CAMKK1: variants seen among roughly 807,000 people sequenced by gnomAD.
The protein encoded by CAMKK1 is calcium/calmodulin dependent protein kinase kinase 1.
Under a neutral mutation model 63.5 loss-of-function variants are expected in CAMKK1, and 20 were observed. That is an observed-to-expected ratio of 0.32 (90% CI 0.22 to 0.46). The LOEUF (loss-of-function observed/expected upper bound fraction) is 0.46, where lower values mean the gene tolerates loss of function less well. CAMKK1 is among the 20% of genes least tolerant of loss of function. The probability of loss-of-function intolerance (pLI) is 1.00; values close to 1 mark genes in which losing one functional copy is unlikely to be tolerated. For synonymous variants in CAMKK1, 253 were observed against 269.0 expected (o/e 0.94, Z 0.58); for missense variants, 588 against 658.1 (o/e 0.89, Z 1.17).
rs2055151456 is a variant in CAMKK1 at position 3,876,348 on chromosome 17, T to C, written c.871A>G (p.Ile291Val). ...LLLGDDGHVK[I>V]ADFGVSNQFE... Reference sequence around the variant, plus strand: ...TGGTTGCTGACGCCAAAGTCGGCGATCTTCACGTGCCCATCATCCCCCAGG... The same window carrying C: ...TGGTTGCTGACGCCAAAGTCGGCGACCTTCACGTGCCCATCATCCCCCAGG... Residue 291 changes from isoleucine (I) to valine (V), a missense_variant, in exon 10 of 16, where the codon ATC becomes GTC. Physicochemically the swap from Ile to Val is conservative, Grantham distance 29 (BLOSUM62 3). Transcript: ENST00000348335. The C allele has an allele frequency of 6.2e-7, 1 of 1,614,206 alleles. No individual in the cohort carries two copies. Among genetic ancestry groups the C allele is most frequent in the Non-Finnish European group, 8.5e-7 (1 of 1,180,034 alleles).
chr17:3,885,653 G>A lies in CAMKK1; in HGVS notation c.35C>T (p.Pro12Leu), dbSNP rs778845990. Residue 12 changes from proline (P) to leucine (L), a missense_variant, in exon 2 of 16, where the codon CCT becomes CTT. Pro to Leu is a moderately conservative substitution (Grantham distance 98). Coordinates refer to ENST00000348335, the MANE Select transcript of CAMKK1 (RefSeq NM_032294.3). Reference sequence around the variant, plus strand: ...CACCCGTTCTACCAGCTCTGCCCGAGGATCCTGGCAGCAGACAGCTGGACC... The same window carrying A: ...CACCCGTTCTACCAGCTCTGCCCGAAGATCCTGGCAGCAGACAGCTGGACC... ...EGGPAVCCQD[P>L]RAELVERVAA... 10 of 1,613,672 alleles carry A rather than the reference G, an allele frequency of 6.2e-6. No homozygotes were observed. The Admixed American group carries it at 1.5e-4, about 24-fold the overall frequency.
rs1176407139 is a variant in CAMKK1 at position 3,862,248 on chromosome 17, T to A, written c.1481A>T (p.Glu494Val). 1.3e-6 allele frequency: 2 copies of A among 1,591,054 alleles called. No individual in the cohort carries two copies. Among genetic ancestry groups the A allele is most frequent in the Admixed American group, 1.7e-5 (1 of 57,328 alleles). Residue 494 changes from glutamate to valine, a missense_variant, in exon 16 of 16, where the codon GAG becomes GTG. Transcript: ENST00000348335. This position sits in a 1 kb window ranked among gnomAD's most constrained non-coding sequence, Gnocchi z 4.1. ...EGFGEGGKSP[E>V]LPGVQEDEAA... ...CTCGTCTTCCTGGACGCCGGGGAGC[T>A]CTGGGCTCTTGCCCCCTTCACCAAA...
rs962673074 is a variant in CAMKK1 at position 3,889,160 on chromosome 17, T to C, written c.-43-3430A>G. The stretch of plus-strand genomic sequence containing the variant: ...GTCCCACCAGCCTGGCACTGCCTGC[T>C]GGGCTGGATTCTGTGCCCCGGGCGG... On this transcript the variant is annotated intron_variant, in intron 1 of 15. Transcript: ENST00000348335. The surrounding 1 kb of genome is among the most constrained non-coding windows in gnomAD (Gnocchi z 5.2). Among the ~76,000 whole-genome samples the C allele has an allele frequency of 1.3e-5, 2 of 152,122 alleles. No homozygotes were observed. Among genetic ancestry groups the C allele is most frequent in the African/African-American group, 4.8e-5 (2 of 41,420 alleles).
chr17:3,888,618 AGTT>A (rs1022566978), intron 1 of CAMKK1, among the ~76,000 whole-genome samples: 24 of 152,150 alleles, frequency 1.6e-4, no homozygotes, highest in African/African-American at 5.3e-4. Flanking sequence ...CGTAAAAGTG[AGTT>A]GTTGTTGTGC....
intron 1 of CAMKK1, among the ~76,000 whole-genome samples, chr17:3,888,184 G>A (rs1036774322): frequency 6.6e-5 from 10 of 152,034 alleles, no homozygotes; most frequent in African/African-American, 1.4e-4. Flanking sequence ...ACTCAGAGCC[G>A]CCACAGGCAG....
intron 14 of CAMKK1, 87 bp from the exon 15 acceptor site, chr17:3,866,098 A>G: frequency 6.6e-7 from 1 of 1,516,504 alleles, no homozygotes; most frequent in Non-Finnish European, 9.0e-7. Context: ...AGCAGCTGCC[A>G]AGGGGGCCGC....
At chr17:3,872,425 C>T (rs2054929443) in intron 12 of CAMKK1, 129 bp downstream of exon 12, 2 of 735,348 alleles carry the variant, frequency 2.7e-6, no homozygotes, top group Non-Finnish European at 4.7e-6. Flanking sequence ...GGGGTCCCTC[C>T]CAGGGAACAG....
At chr17:3,877,751 G>T (rs968845557) in intron 9 of CAMKK1, among the ~76,000 whole-genome samples, 2 of 152,126 alleles carry the variant, frequency 1.3e-5, no homozygotes, top group African/African-American at 2.4e-5. Context: ...AGAAGCTCAG[G>T]GGGGTGGATA....
rs1438660944 is a variant in CAMKK1 at position 3,883,044 on chromosome 17, C to T, written c.646G>A (p.Glu216Lys). Residue 216 changes from glutamate to lysine, a missense_variant and splice_region_variant, in exon 6 of 16, where the codon GAG becomes AAG. Physicochemically the swap from Glu to Lys is moderately conservative, Grantham distance 56 (BLOSUM62 1). Around this residue, in one of 3 missense-constraint regions of CAMKK1, gnomAD observed 357 missense variants for 407.4 expected, o/e 0.88. Transcript: ENST00000348335. The surrounding 1 kb of genome is among the most constrained non-coding windows in gnomAD (Gnocchi z 4.7). Reference sequence around the variant, plus strand: ...ACCTGCTCACCACCACCCCCTACCTCGATCAGTTTGACCACATTCACGTGG... The same window carrying T: ...ACCTGCTCACCACCACCCCCTACCTTGATCAGTTTGACCACATTCACGTGG... ...LDHVNVVKLIEVLDDPAEDNL... is the reference protein window; with the variant it reads ...LDHVNVVKLIKVLDDPAEDNL... 9 of 1,613,790 alleles carry T rather than the reference C, an allele frequency of 5.6e-6. No individual in the cohort carries two copies. The highest frequency in any genetic ancestry group is 2.7e-5 in the African/African-American group (2 of 74,930).
chr17:3,861,899 G>T lies in CAMKK1; in HGVS notation c.*312C>A, dbSNP rs1004183467. The T allele has an allele frequency of 3.9e-5, 16 of 407,408 alleles. No homozygotes were observed. Among genetic ancestry groups the T allele is most frequent in the Non-Finnish European group, 5.9e-5 (13 of 219,900 alleles). The allele number at this position is 407,408 out of a possible 1,614,324, so 25.2% of individuals were successfully genotyped here. On this transcript the variant is annotated 3_prime_UTR_variant, in exon 16 of 16. Coordinates refer to ENST00000348335, the MANE Select transcript of CAMKK1 (RefSeq NM_032294.3). The stretch of plus-strand genomic sequence containing the variant: ...GCCTCTGCCTCCTGCCCCAGGCCAT[G>T]CCAACCAGCCGGGTGGCATTTCTGA...
Position 3,862,916 on chromosome 17 carries a change from C to T in CAMKK1, c.1446-633G>A, listed in dbSNP as rs1160607848. On this transcript the variant is annotated intron_variant, in intron 15 of 15. Coordinates refer to ENST00000348335, the MANE Select transcript of CAMKK1 (RefSeq NM_032294.3). This position sits in a 1 kb window ranked among gnomAD's most constrained non-coding sequence, Gnocchi z 4.1. ...CCTCCTAAAGTGTTGGGATTGCAGG[C>T]GTGAGCCACCGTGCCCGGCCTGAGG... Among the ~76,000 whole-genome samples, 3 of 152,176 alleles carry T rather than the reference C, an allele frequency of 2.0e-5. No individual in the cohort carries two copies. The highest frequency in any genetic ancestry group is 6.5e-5 in the Admixed American group (1 of 15,284).
rs2055452561 is a variant in CAMKK1, at chr17:3,882,466, C to G, written c.685+62G>C. ...CCGCCCACCTGAAGGTCATACATGTCCCAAGGGAGCCCTTGGGCCAGCCCT... is the reference window on the plus strand; with the variant it reads ...CCGCCCACCTGAAGGTCATACATGTGCCAAGGGAGCCCTTGGGCCAGCCCT... On this transcript the variant is annotated intron_variant, in intron 7 of 15. Coordinates refer to ENST00000348335, the MANE Select transcript of CAMKK1 (RefSeq NM_032294.3). This position sits in a 1 kb window ranked among gnomAD's most constrained non-coding sequence, Gnocchi z 4.3. 2 of 1,595,240 alleles carry G rather than the reference C, an allele frequency of 1.3e-6. No homozygotes were observed. Among genetic ancestry groups the G allele is most frequent in the Non-Finnish European group, 1.7e-6 (2 of 1,166,078 alleles).
rs1225407748 is a variant in CAMKK1, at chr17:3,869,148, T to G, written c.1341+339A>C. Among the ~76,000 whole-genome samples the G allele has an allele frequency of 2.7e-5, 4 of 147,078 alleles. No homozygotes were observed. In the East Asian group the frequency reaches 8.1e-4, roughly 30 times the overall value. ...CACGCCCAGCTAATTTTCTATATTTTTAGTAGAGTCGGGGTTTCAAGGATG... is the reference window on the plus strand; with the variant it reads ...CACGCCCAGCTAATTTTCTATATTTGTAGTAGAGTCGGGGTTTCAAGGATG... On this transcript the variant is annotated intron_variant, in intron 14 of 15. Transcript: ENST00000348335.
chr17:3,881,910 G>A, intron 7 of CAMKK1: 1 of 547,750 alleles, frequency 1.8e-6, no homozygotes, highest in Admixed American at 3.3e-5. Context: ...GGGAAACTGA[G>A]GCACAGAGAA....
chr17:3,882,579 C>T lies in CAMKK1; in HGVS notation c.649-15G>A. On this transcript the variant is annotated splice_polypyrimidine_tract_variant and intron_variant, in intron 6 of 15. Transcript: ENST00000348335. This position sits in a 1 kb window ranked among gnomAD's most constrained non-coding sequence, Gnocchi z 4.3. ...TCATCCAGGACCTGGTCAGAGGGAGCAGACATGGGGGTGGGGCTTGAGGAG... is the reference window on the plus strand; with the variant it reads ...TCATCCAGGACCTGGTCAGAGGGAGTAGACATGGGGGTGGGGCTTGAGGAG... The T allele has an allele frequency of 3.1e-6, 5 of 1,589,600 alleles. No homozygotes were observed. The highest frequency in any genetic ancestry group is 4.3e-6 in the Non-Finnish European group (5 of 1,167,878).
At chr17:3,871,741 G>A (rs1204003768) in intron 12 of CAMKK1, among the ~76,000 whole-genome samples, 1 of 150,188 alleles carries the variant, frequency 6.7e-6, no homozygotes, top group Non-Finnish European at 1.5e-5. Context: ...TGCCTCCTGG[G>A]TTCAAGCAAT....
intron 12 of CAMKK1, among the ~76,000 whole-genome samples, chr17:3,871,863 C>T (rs927843656): frequency 1.3e-5 from 2 of 151,844 alleles, no homozygotes; most frequent in South Asian, 2.1e-4. Flanking sequence ...CCAGGCTGGT[C>T]TCTAACTCCT....
At position 3,884,423 on chromosome 17, in the gene CAMKK1, C is replaced by T. The variant is rs1039463202; in HGVS notation, c.365G>A (p.Cys122Tyr). Residue 122 changes from cysteine (C) to tyrosine (Y), a missense_variant, in exon 3 of 16, where the codon TGC (cysteine) becomes TAC (tyrosine). By Grantham distance (194) the Cys-to-Tyr change is radical. This residue lies in a region of CAMKK1 where 357 missense variants were observed against 407.4 expected (regional missense o/e 0.88). Coordinates refer to ENST00000348335, the MANE Select transcript of CAMKK1 (RefSeq NM_032294.3). The surrounding 1 kb of genome is among the most constrained non-coding windows in gnomAD (Gnocchi z 4.5). ...CAGCTTGTACTGGTTCAGCTGCACG[C>T]AGTCCTGTGGGGGAAGAGCGAGCAC... ...HHVAISDAEDCVQLNQYKLQS... is the reference protein window; with the variant it reads ...HHVAISDAEDYVQLNQYKLQS... 4 of 1,613,562 alleles carry T rather than the reference C, an allele frequency of 2.5e-6. No homozygotes were observed. The highest frequency in any genetic ancestry group is 3.4e-6 in the Non-Finnish European group (4 of 1,179,810).
intron 1 of CAMKK1, among the ~76,000 whole-genome samples, chr17:3,888,676 T>G (rs2143902836): frequency 6.6e-6 from 1 of 152,332 alleles, no homozygotes; most frequent in East Asian, 1.9e-4. Flanking sequence ...CCCAGATGGA[T>G]GCGCGGGCGG....
Sources: gnomAD v4.1 joint callset for allele counts (sites outside exome capture counted in the v4.1 genomes callset) on GRCh38, gnomAD v4.1.1 for gene constraint, gnomAD v4.1.1 regional missense constraint, Gnocchi (gnomAD v3.1) non-coding constraint, MANE v1.5 for transcripts, NCBI Gene and HGNC (gene_info 2026-07-23, HGNC 2026-07-21) for gene names.